FGF14: variants seen among roughly 807,000 people sequenced by gnomAD.
The protein encoded by FGF14 is fibroblast growth factor homologous factor 4.
A neutral mutation model predicts 25.5 loss-of-function variants in FGF14; 5 were observed. The ratio of observed to expected loss-of-function variants is 0.20; its 90% CI spans 0.10 to 0.41. FGF14 has a LOEUF of 0.41. Among genes scored for constraint, FGF14 ranks in the 10% least tolerant of loss-of-function variants. FGF14 has a pLI of 1.00. For synonymous variants in FGF14, 138 were observed against 118.3 expected (o/e 1.17, Z -1.08); for missense variants, 222 against 320.1 (o/e 0.69, Z 2.34).
At chr13:101,994,041 G>C (rs1280825242) in intron 1 of FGF14, among the ~76,000 whole-genome samples, 1 of 151,928 alleles carries the variant, frequency 6.6e-6, no homozygotes, top group African/African-American at 2.4e-5. Context: ...TAGTATAATG[G>C]TTACATGGGA....
intron 1 of FGF14, among the ~76,000 whole-genome samples, chr13:101,953,030 A>G (rs952455764): frequency 1.6e-5 from 2 of 122,886 alleles, no homozygotes; most frequent in African/African-American, 8.1e-5. Flanking sequence ...GTGAGACTCC[A>G]TCTCTAAATA....
intron 1 of FGF14, among the ~76,000 whole-genome samples, chr13:102,092,855 A>G (rs950296733): frequency 6.6e-6 from 1 of 152,334 alleles, no homozygotes; most frequent in East Asian, 1.9e-4. Flanking sequence ...GGAAAAAGAC[A>G]GAAAATGATT....
At chr13:101,881,550 A>G (rs1250074947) in intron 1 of FGF14, among the ~76,000 whole-genome samples, 2 of 152,212 alleles carry the variant, frequency 1.3e-5, no homozygotes, top group Non-Finnish European at 1.5e-5. Flanking sequence ...TACAATCAGC[A>G]AAATTCTTGT....
chr13:101,990,700 G>T (rs1162750167), intron 1 of FGF14, among the ~76,000 whole-genome samples: 1 of 151,998 alleles, frequency 6.6e-6, no homozygotes, highest in Admixed American at 6.6e-5. Context: ...TAGGGTTTTT[G>T]ACTTAGACAA....
At chr13:102,131,613 A>C (rs576099118) in intron 1 of FGF14, among the ~76,000 whole-genome samples, 1 of 152,304 alleles carries the variant, frequency 6.6e-6, no homozygotes, top group African/African-American at 2.4e-5. Flanking sequence ...ACTATTTTCT[A>C]TATGAAGCTT....
chr13:101,761,390 T>C (rs1264533012), intron 3 of FGF14, among the ~76,000 whole-genome samples: 1 of 152,162 alleles, frequency 6.6e-6, no homozygotes, highest in South Asian at 2.1e-4. Context: ...ATGTTGTATT[T>C]TGGGGTATTT....
chr13:102,087,406 TC>T (rs1299652531), intron 1 of FGF14, among the ~76,000 whole-genome samples: 43 of 127,440 alleles, frequency 3.4e-4, no homozygotes, highest in African/African-American at 1.2e-3. Flanking sequence ...GACTGTAATT[TC>T]TTTTTTTTTT....
chr13:102,057,143 T>C (rs1043955912), intron 1 of FGF14, among the ~76,000 whole-genome samples: 1 of 152,204 alleles, frequency 6.6e-6, no homozygotes, highest in African/African-American at 2.4e-5. Flanking sequence ...GGAGTAATGA[T>C]ATAATTGTTT....
chr13:102,196,817 G>A (rs562910224), intron 1 of FGF14, among the ~76,000 whole-genome samples: 11 of 152,268 alleles, frequency 7.2e-5, no homozygotes, highest in African/African-American at 2.6e-4. Context: ...TGTACCGTTT[G>A]ATCAACATCT....
At chr13:101,808,014 GAAGAGA>G (rs1425318530) in intron 3 of FGF14, among the ~76,000 whole-genome samples, 5 of 152,132 alleles carry the variant, frequency 3.3e-5, no homozygotes, top group African/African-American at 9.6e-5. Flanking sequence ...TGGAGCAGTT[GAAGAGA>G]TGCAAATAAT....
chr13:102,025,202 G>A (rs1481441274), intron 1 of FGF14, among the ~76,000 whole-genome samples: 1 of 151,744 alleles, frequency 6.6e-6, no homozygotes, highest in African/African-American at 2.4e-5. Context: ...TTTAGGATCA[G>A]GTTGTCAAAC....
At chr13:101,821,863 T>G (rs192279885) in intron 3 of FGF14, among the ~76,000 whole-genome samples, 1,848 of 152,346 alleles carry the variant, frequency 0.012, 33 homozygotes, top group African/African-American at 0.042. Context: ...TTGCCCATTT[T>G]TAAGTAATTT....
intron 1 of FGF14, among the ~76,000 whole-genome samples, chr13:101,973,684 G>A (rs2037750937): frequency 6.6e-6 from 1 of 152,150 alleles, no homozygotes; most frequent in Admixed American, 6.5e-5. Context: ...ACATTTTTCT[G>A]CCTTCTTATA....
intron 1 of FGF14, chr13:102,395,078 G>C (rs1201830416): frequency 6.6e-6 from 1 of 152,306 alleles, no homozygotes; most frequent in Non-Finnish European, 1.5e-5. Context: ...AGGCGCGAGT[G>C]CAGGGAGCTG....
intron 3 of FGF14, among the ~76,000 whole-genome samples, chr13:101,860,756 T>A (rs79189635): frequency 0.034 from 5,207 of 152,112 alleles, 320 homozygotes; most frequent in African/African-American, 0.12. Context: ...AAATTATGAT[T>A]CTTGAGGCAT....
chr13:102,366,594 G>A (rs1223042106), intron 1 of FGF14: 3 of 105,920 alleles, frequency 2.8e-5, no homozygotes, highest in African/African-American at 1.1e-4. Context: ...AGCACTGGCT[G>A]AAACACTGAC....
chr13:102,032,132 C>T (rs2041242504), intron 1 of FGF14, among the ~76,000 whole-genome samples: 1 of 152,128 alleles, frequency 6.6e-6, no homozygotes, highest in African/African-American at 2.4e-5. Flanking sequence ...ACATTCTCCT[C>T]AGACCAAACA....
intron 1 of FGF14, among the ~76,000 whole-genome samples, chr13:102,140,047 C>A (rs866480183): frequency 0.014 from 1,950 of 141,040 alleles, 107 homozygotes; most frequent in African/African-American, 0.051. Context: ...TTCAAGACCC[C>A]CCCCCCCCCT....
chr13:101,813,611 A>G (rs759735577), intron 3 of FGF14, among the ~76,000 whole-genome samples: 4 of 152,200 alleles, frequency 2.6e-5, no homozygotes, highest in Non-Finnish European at 5.9e-5. Flanking sequence ...AGTAGCACAA[A>G]CAGATGCAGA....
Sources: allele counts gnomAD v4.1 joint callset (sites outside exome capture counted in the v4.1 genomes callset), GRCh38; gene constraint gnomAD v4.1.1; transcripts MANE v1.5; gene names NCBI Gene and HGNC (gene_info 2026-07-23, HGNC 2026-07-21).